The following ZAN variants were observed in gnomAD, a reference collection of about 807,000 sequenced individuals.
ZAN encodes zonadhesin.
In ZAN, 260 loss-of-function variants were observed where a neutral mutation model predicts 286.2. That is an observed-to-expected ratio of 0.91 (90% CI 0.82 to 1.01). ZAN has a LOEUF of 1.01. Among genes scored for constraint, ZAN ranks in the 50% least tolerant of loss-of-function variants. The pLI, the probability that ZAN is intolerant of heterozygous loss-of-function variation, is 0.00. For synonymous variants in ZAN, 1,368 were observed against 1,417.5 expected (o/e 0.97, Z 0.79); for missense variants, 3,410 against 3,639.2 (o/e 0.94, Z 1.62).
chr7:100,794,034 A>G lies in ZAN; in HGVS notation c.7986+16A>G. The G allele has an allele frequency of 6.2e-7, 1 of 1,612,644 alleles. No homozygotes were observed. The highest frequency in any genetic ancestry group is 8.5e-7 in the Non-Finnish European group (1 of 1,179,340). On this transcript the variant is annotated intron_variant, in intron 43 of 47. Coordinates refer to ENST00000613979, the MANE Select transcript of ZAN (RefSeq NM_003386.3). ...CTACTACCAGGTCTGAGCTGGCAGC[A>G]GGAGGCCCTGGGGAGCAGAGGCGCC...
rs139467683 is a variant in ZAN, at chr7:100,795,573, T to G, written c.8266+237T>G. On this transcript the variant is annotated intron_variant, in intron 45 of 47. Transcript: ENST00000613979. ...ACATATATTATTATAGTAGGAATTATAATATAATCCCTAGAAATTCGCAGG... is the reference window on the plus strand; with the variant it reads ...ACATATATTATTATAGTAGGAATTAGAATATAATCCCTAGAAATTCGCAGG... Among the ~76,000 whole-genome samples the G allele has an allele frequency of 2.8e-3, 419 of 150,620 alleles. 2 individuals are homozygous for G. Among genetic ancestry groups the G allele is most frequent in the African/African-American group, 9.1e-3 (377 of 41,298 alleles).
At chr7:100,772,252 T>C (rs314296) in intron 29 of ZAN, among the ~76,000 whole-genome samples, 71,970 of 149,900 alleles carry the variant, frequency 0.48, 19,321 homozygotes, top group Middle Eastern at 0.77. Flanking sequence ...GTCAACATGG[T>C]GAAACCCCGT....
At chr7:100,791,386 C>T (rs1356606817) in intron 40 of ZAN, among the ~76,000 whole-genome samples, 1 of 151,932 alleles carries the variant, frequency 6.6e-6, no homozygotes, top group African/African-American at 2.4e-5. Context: ...TCCTCTTCCT[C>T]CTCCTTCTCC....
intron 6 of ZAN, 73 bp downstream of exon 6, chr7:100,737,422 CCA>C: frequency 8.9e-7 from 1 of 1,129,548 alleles, no homozygotes; most frequent in Non-Finnish European, 1.2e-6. Flanking sequence ...AGAAGAGGAT[CCA>C]GGGCGGGCGC....
intron 7 of ZAN, among the ~76,000 whole-genome samples, chr7:100,745,668 T>G (rs530739262): frequency 6.6e-6 from 1 of 151,540 alleles, no homozygotes; most frequent in African/African-American, 2.4e-5. Context: ...GGAGGATTGC[T>G]TGAGGCCAGG....
In ZAN at chr7:100,794,032, G is replaced by A. The variant is rs1464567669; in HGVS notation, c.7986+14G>A. ...ATCTACTACCAGGTCTGAGCTGGCA[G>A]CAGGAGGCCCTGGGGAGCAGAGGCG... On this transcript the variant is annotated intron_variant, in intron 43 of 47. Transcript: ENST00000613979. 3 of 1,612,336 alleles carry A rather than the reference G, an allele frequency of 1.9e-6. No homozygotes were observed. The African/African-American group carries it at 4.0e-5, about 22-fold the overall frequency.
At chr7:100,741,099 CA>C (rs1271933207) in intron 7 of ZAN, among the ~76,000 whole-genome samples, 12 of 55,334 alleles carry the variant, frequency 2.2e-4, no homozygotes, top group African/African-American at 4.0e-4. Context: ...GCTGGCCGGG[CA>C]GGGGGGCTGA....
intron 20 of ZAN, 41 bp downstream of exon 20, chr7:100,762,399 C>A: frequency 6.6e-7 from 1 of 1,523,772 alleles, no homozygotes; most frequent in South Asian, 1.3e-5. Context: ...GGGAAGGTTC[C>A]GTCCCCTTCC....
At chr7:100,770,950 T>C (rs145627913) in intron 28 of ZAN, among the ~76,000 whole-genome samples, 1 of 152,310 alleles carries the variant, frequency 6.6e-6, no homozygotes, top group East Asian at 1.9e-4. Flanking sequence ...ATTACAGGCC[T>C]GTGCCACCAC....
rs533599018 is a variant in ZAN at position 100,786,078 on chromosome 7, T to A, written c.6916T>A (p.Cys2306Ser). 4 of 1,613,944 alleles carry A rather than the reference T, an allele frequency of 2.5e-6. No homozygotes were observed. The highest frequency in any genetic ancestry group is 1.3e-5 in the African/African-American group (1 of 75,066). ...AGCCATTCAGTGCGGGGACTTCCGATGCCCCTCTGGGTCCCACTGCCAGCT... is the reference window on the plus strand; with the variant it reads ...AGCCATTCAGTGCGGGGACTTCCGAAGCCCCTCTGGGTCCCACTGCCAGCT... ...GGAIQCGDFR[C>S]PSGSHCQLTS... Residue 2306 changes from cysteine to serine, a missense_variant, in exon 37 of 48, where the codon TGC becomes AGC. Physicochemically the swap from Cys to Ser is moderately radical, Grantham distance 112. Coordinates refer to ENST00000613979, the MANE Select transcript of ZAN (RefSeq NM_003386.3).
In ZAN at chr7:100,752,454, C is replaced by T; in HGVS notation, c.2349C>T (p.Pro783=). The T allele has an allele frequency of 6.3e-7, 1 of 1,597,408 alleles. No individual in the cohort carries two copies. Residue 783 remains proline, a synonymous_variant, in exon 14 of 48, where the codon CCC becomes CCT. Transcript: ENST00000613979. The part of the protein sequence containing the change: ...LTIPTEKPTI[P]TEKPTIPTEK... ...TCCCCACAGAAAAACCCACCATCCC[C>T]ACAGAAAAACCCACCATTCCCACAG...
At chr7:100,762,526 A>C (rs1809672971) in intron 20 of ZAN, among the ~76,000 whole-genome samples, 168 bp downstream of exon 20, 1 of 150,288 alleles carries the variant, frequency 6.7e-6, no homozygotes, top group South Asian at 2.1e-4. Flanking sequence ...CCCAGGCTCA[A>C]GCAATTATCC....
chr7:100,752,364 C>T lies in ZAN; in HGVS notation c.2259C>T (p.Thr753=). The stretch of plus-strand genomic sequence containing the variant: ...CCACCATCCCCACAGAAAAACCCAC[C>T]ATCTCCCCAGAAAAACCCACCACCC... The part of the protein sequence containing the change: ...EKPTIPTEKP[T]ISPEKPTTPT... The change falls in exon 14 of 48, where the codon ACC becomes ACT. Residue 753 remains threonine, a synonymous_variant. Coordinates refer to ENST00000613979, the MANE Select transcript of ZAN (RefSeq NM_003386.3). 6.4e-7 allele frequency: 1 copy of T among 1,559,040 alleles called. No homozygotes were observed. Among genetic ancestry groups the T allele is most frequent in the Non-Finnish European group, 8.7e-7 (1 of 1,147,740 alleles).
intron 45 of ZAN, 51 bp from the exon 46 acceptor site, chr7:100,797,315 C>A: frequency 6.3e-7 from 1 of 1,575,768 alleles, no homozygotes; most frequent in South Asian, 1.1e-5. Context: ...CCTCAGTCCC[C>A]ACCCTTCCCG....
chr7:100,748,729 C>T (rs1444062702), intron 11 of ZAN, among the ~76,000 whole-genome samples: 1 of 152,110 alleles, frequency 6.6e-6, no homozygotes, highest in Non-Finnish European at 1.5e-5. Flanking sequence ...CAAAACCCAC[C>T]ACCTCATTTT....
At position 100,746,587 on chromosome 7, in the gene ZAN, A is replaced by G. The variant is rs368921859; in HGVS notation, c.816A>G (p.Lys272=). 2.0e-5 allele frequency: 33 copies of G among 1,613,928 alleles called. No homozygotes were observed. The African/African-American group carries it at 4.4e-4, about 22-fold the overall frequency. Residue 272 remains lysine, a synonymous_variant, in exon 8 of 48, where the codon AAA becomes AAG. Transcript: ENST00000613979. ...CCAAGAATGCAAGACCTGGGCAGAA[A>G]GCTGTCCTCCTGAGCCCCGTGAGCC... ...LDPKNARPGQ[K]AVLLSPVSLS... is the part of the protein sequence containing the mutation.
chr7:100,775,567 C>CTA lies in ZAN; in HGVS notation c.6019_6020insTA (p.Arg2007LeufsTer4). 1.2e-6 allele frequency: 2 copies of CTA among 1,613,500 alleles called. No individual in the cohort carries two copies. The highest frequency in any genetic ancestry group is 1.7e-6 in the Non-Finnish European group (2 of 1,179,582). ...CCAGGTCACCCTGCAGAAGGGCCAC[C>CTA]GTGTGCTAGTGAGCTGGGTGTGGTG... On this transcript the variant is annotated frameshift_variant, in exon 32 of 48. Transcript: ENST00000613979. LOFTEE classifies it high-confidence loss of function.
Position 100,737,328 on chromosome 7 carries a change from C to A in ZAN, c.592C>A (p.Arg198Ser). The A allele has an allele frequency of 6.8e-7, 1 of 1,475,914 alleles. No individual in the cohort carries two copies. Among genetic ancestry groups the A allele is most frequent in the African/African-American group, 1.4e-5 (1 of 69,910 alleles). The allele number at this position is 1,475,914 out of a possible 1,614,324, so 91.4% of individuals were successfully genotyped here. ...CATCGCCCTGGATGCCCTCTCTATCCGCCGGGGCTCCTGTAATCGCGGTGA... is the reference window on the plus strand; with the variant it reads ...CATCGCCCTGGATGCCCTCTCTATCAGCCGGGGCTCCTGTAATCGCGGTGA... ...LDIALDALSI[R>S]RGSCNRVCMM... The change falls in exon 6 of 48, where the codon CGC becomes AGC. Residue 198 changes from arginine to serine, a missense_variant. Arg to Ser is a moderately radical substitution (Grantham distance 110). Coordinates refer to ENST00000613979, the MANE Select transcript of ZAN (RefSeq NM_003386.3).
chr7:100,779,884 A>G lies in ZAN; in HGVS notation c.6622+134A>G, dbSNP rs137862505. The G allele has an allele frequency of 1.2e-3, 1,253 of 1,028,980 alleles. 4 individuals are homozygous for G. Among genetic ancestry groups the G allele is most frequent in the Non-Finnish European group, 1.6e-3 (1,189 of 761,646 alleles). The allele number at this position is 1,028,980 out of a possible 1,614,324, so 63.7% of individuals were successfully genotyped here. On this transcript the variant is annotated intron_variant, in intron 35 of 47. Transcript: ENST00000613979. ...CCTCATTGTTTCTTTGACAAGGACT[A>G]TTTTTTAATTTTTATATAAAATTTT...
Sources: allele counts gnomAD v4.1 joint callset (sites outside exome capture counted in the v4.1 genomes callset), GRCh38; gene constraint gnomAD v4.1.1; transcripts MANE v1.5; gene names NCBI Gene and HGNC (gene_info 2026-07-23, HGNC 2026-07-21).